Variants in SPOUT1 observed in about 807,000 individuals in gnomAD.
SPOUT1 encodes the protein 28S rRNA (uridine-N(3))-methyltransferase.
A neutral mutation model predicts 54.8 loss-of-function variants in SPOUT1; 40 were observed. The observed-to-expected ratio is 0.73, with a 90% confidence interval of 0.57 to 0.95. SPOUT1 has a LOEUF of 0.95. Among genes scored for constraint, SPOUT1 ranks in the 40% least tolerant of loss-of-function variants. SPOUT1 has a pLI of 0.00. For synonymous variants in SPOUT1, 193 were observed against 200.3 expected (o/e 0.96, Z 0.31); for missense variants, 437 against 499.5 (o/e 0.87, Z 1.19).
At chr9:128,825,204 G>A (rs1376534567) in intron 7 of SPOUT1, among the ~76,000 whole-genome samples, 155 bp from the exon 8 acceptor site, 1 of 152,238 alleles carries the variant, frequency 6.6e-6, no homozygotes, top group Non-Finnish European at 1.5e-5. Flanking sequence ...GGCTGAACCT[G>A]CTCACAAGAG....
chr9:128,828,148 A>T (rs1830276238), intron 3 of SPOUT1, among the ~76,000 whole-genome samples: 1 of 152,184 alleles, frequency 6.6e-6, no homozygotes. Flanking sequence ...AATGCTCAAT[A>T]AAAAAGTCAA....
In SPOUT1 at chr9:128,822,409, G is replaced by A. The variant is rs1375776762; in HGVS notation, c.*356C>T. 2.5e-6 allele frequency: 4 copies of A among 1,611,300 alleles called. No individual in the cohort carries two copies. Among genetic ancestry groups the A allele is most frequent in the African/African-American group, 1.3e-5 (1 of 74,864 alleles). ...TGGCAGTGCCCACACACTTCTTCAA[G>A]GTGCTGATCCTGGAGGCAGCAGGTG... On this transcript the variant is annotated 3_prime_UTR_variant, in exon 12 of 12. Transcript: ENST00000361256.
Position 128,826,805 on chromosome 9 carries a change from G to A in SPOUT1, c.369-176C>T, listed in dbSNP as rs115169028. On this transcript the variant is annotated intron_variant, in intron 4 of 11. Coordinates refer to ENST00000361256, the MANE Select transcript of SPOUT1 (RefSeq NM_016390.4). The surrounding 1 kb of genome is among the most constrained non-coding windows in gnomAD (Gnocchi z 5.5). ...CCATGCCACTGCATGCACTCCAGCCGGGGTGACAGCTGAGATACAGGTTTA... is the reference window on the plus strand; with the variant it reads ...CCATGCCACTGCATGCACTCCAGCCAGGGTGACAGCTGAGATACAGGTTTA... 1.8e-3 allele frequency among the ~76,000 whole-genome samples: 277 copies of A among 152,228 alleles called. 1 individual carries two copies. Among genetic ancestry groups the A allele is most frequent in the African/African-American group, 6.3e-3 (262 of 41,536 alleles).
Position 128,820,670 on chromosome 9 carries a change from G to A in SPOUT1, c.*2095C>T. 2 of 1,347,212 alleles carry A rather than the reference G, an allele frequency of 1.5e-6. No individual in the cohort carries two copies. The highest frequency in any genetic ancestry group is 2.1e-6 in the Non-Finnish European group (2 of 959,916). The allele number at this position is 1,347,212 out of a possible 1,614,324, so 83.5% of individuals were successfully genotyped here. A position where few individuals can be genotyped will look rare whatever the true frequency, so the allele number is the denominator to read the frequency against. On this transcript the variant is annotated 3_prime_UTR_variant, in exon 12 of 12. Transcript: ENST00000361256. ...GAGCCTGTCCATCCCCTCAGGACCT[G>A]GGGCGGCCCTCTGATAGAGGAGGAA...
chr9:128,822,950 T>G, intron 11 of SPOUT1, 117 bp from the exon 12 acceptor site: 1 of 702,978 alleles, frequency 1.4e-6, no homozygotes, highest in Non-Finnish European at 2.4e-6. Context: ...CCCCTGTCCT[T>G]AGTAGGGCCT....
chr9:128,823,578 G>A (rs1830171670), intron 11 of SPOUT1, among the ~76,000 whole-genome samples, 169 bp downstream of exon 11: 1 of 152,136 alleles, frequency 6.6e-6, no homozygotes, highest in African/African-American at 2.4e-5. Flanking sequence ...TTGACTCCCA[G>A]CTACACTCAT....
At chr9:128,824,368 G>A (rs1830196324) in intron 9 of SPOUT1, among the ~76,000 whole-genome samples, 194 bp from the exon 10 acceptor site, 1 of 151,754 alleles carries the variant, frequency 6.6e-6, no homozygotes, top group Admixed American at 6.6e-5. Context: ...GCAGGGGTGT[G>A]TGTGTACCGA....
chr9:128,820,674 CG>C lies in SPOUT1; in HGVS notation c.*2090del, dbSNP rs1431955559. ...CTGTCCATCCCCTCAGGACCTGGGG[CG>C]GCCCTCTGATAGAGGAGGAAGGGTC... On this transcript the variant is annotated 3_prime_UTR_variant, in exon 12 of 12. Transcript: ENST00000361256. The C allele has an allele frequency of 7.3e-7, 1 of 1,365,950 alleles. No individual in the cohort carries two copies. Among genetic ancestry groups the C allele is most frequent in the African/African-American group, 1.4e-5 (1 of 69,334 alleles). 84.6% of individuals were successfully genotyped at this position (1,365,950 alleles called of 1,614,324 possible).
rs148132591 is a variant in SPOUT1 at position 128,820,389 on chromosome 9, G to C, written c.*2376C>G. The C allele has an allele frequency of 4.4e-4, 103 of 234,380 alleles. No individual in the cohort carries two copies. Among genetic ancestry groups the C allele is most frequent in the African/African-American group, 2.3e-3 (102 of 44,388 alleles). The allele number at this position is 234,380 out of a possible 1,614,324, so 14.5% of individuals were successfully genotyped here. On this transcript the variant is annotated 3_prime_UTR_variant, in exon 12 of 12. Transcript: ENST00000361256. ...TTCCTGTGGCTCAGACTGGGAAAAG[G>C]AACGGGTTGGTAGTTGGAAGGGCTG...
chr9:128,828,285 C>G (rs955274208), intron 3 of SPOUT1, among the ~76,000 whole-genome samples: 68 of 152,244 alleles, frequency 4.5e-4, no homozygotes, highest in Non-Finnish European at 7.1e-4. Context: ...CACCTGAGGT[C>G]AGGAGTTCGA....
intron 9 of SPOUT1, 127 bp from the exon 10 acceptor site, chr9:128,824,301 CGTGT>C: frequency 4.3e-6 from 2 of 461,956 alleles, no homozygotes; most frequent in East Asian, 4.5e-5. Flanking sequence ...TGTGTGTGTG[CGTGT>C]GTGTACTAAG....
rs1386485063 is a variant in SPOUT1 at position 128,819,757 on chromosome 9, TG to T, written c.*3007del. Reference sequence around the variant, plus strand: ...CGTGGGAGCCCTGAGCTTGTTTTCCTGCAACTAGACAGTCCTATCTGGAGGT... The same window carrying T: ...CGTGGGAGCCCTGAGCTTGTTTTCCTCAACTAGACAGTCCTATCTGGAGGT... On this transcript the variant is annotated 3_prime_UTR_variant, in exon 12 of 12. Transcript: ENST00000361256. The T allele has an allele frequency of 6.4e-6, 1 of 156,636 alleles. No individual in the cohort carries two copies. The highest frequency in any genetic ancestry group is 2.4e-5 in the African/African-American group (1 of 41,526). The allele number at this position is 156,636 out of a possible 1,614,324, so 9.7% of individuals were successfully genotyped here.
At position 128,826,198 on chromosome 9, in the gene SPOUT1, C is replaced by G. The variant is rs750799594; in HGVS notation, c.509-46G>C. On this transcript the variant is annotated intron_variant, in intron 6 of 11. Coordinates refer to ENST00000361256, the MANE Select transcript of SPOUT1 (RefSeq NM_016390.4). This position sits in a 1 kb window ranked among gnomAD's most constrained non-coding sequence, Gnocchi z 5.5. Reference sequence around the variant, plus strand: ...AGAGTCTGGGAAGTGCTAGGGCACACAGGGTGCAGTGGGGACCCTGGAGCG... The same window carrying G: ...AGAGTCTGGGAAGTGCTAGGGCACAGAGGGTGCAGTGGGGACCCTGGAGCG... The G allele has an allele frequency of 5.7e-6, 9 of 1,578,958 alleles. No homozygotes were observed. In the East Asian group the frequency reaches 2.0e-4, roughly 35 times the overall value.
intron 11 of SPOUT1, 64 bp from the exon 12 acceptor site, chr9:128,822,897 C>T: frequency 7.9e-7 from 1 of 1,266,230 alleles, no homozygotes; most frequent in Non-Finnish European, 1.1e-6. Flanking sequence ...CGCTCCCAGC[C>T]TGTCTTCAGT....
Position 128,820,522 on chromosome 9 carries a change from TG to T in SPOUT1, c.*2242del, listed in dbSNP as rs1830089133. The T allele has an allele frequency of 1.8e-6, 1 of 556,926 alleles. No individual in the cohort carries two copies. The highest frequency in any genetic ancestry group is 1.9e-5 in the African/African-American group (1 of 53,066). 34.5% of individuals were successfully genotyped at this position (556,926 alleles called of 1,614,324 possible). ...ACTCTTGGGAGCTGAGAAAAGACTT[TG>T]ACACCTGGGCTGTGGGAGGGACAGA... is the stretch of plus-strand genomic sequence containing the variant. On this transcript the variant is annotated 3_prime_UTR_variant, in exon 12 of 12. Transcript: ENST00000361256.
intron 7 of SPOUT1, among the ~76,000 whole-genome samples, chr9:128,825,325 C>CT (rs11396054): frequency 1 from 151,984 of 152,034 alleles, 75,967 homozygotes; most frequent in East Asian, 1. Flanking sequence ...AGCTCTGCAA[C>CT]TTTTTTTTCT....
Position 128,826,722 on chromosome 9 carries a change from G to T in SPOUT1, c.369-93C>A. 2 of 926,888 alleles carry T rather than the reference G, an allele frequency of 2.2e-6. No individual in the cohort carries two copies. The highest frequency in any genetic ancestry group is 3.3e-5 in the South Asian group (2 of 59,908). 57.4% of individuals were successfully genotyped at this position (926,888 alleles called of 1,614,324 possible). On this transcript the variant is annotated intron_variant, in intron 4 of 11. Transcript: ENST00000361256. This position sits in a 1 kb window ranked among gnomAD's most constrained non-coding sequence, Gnocchi z 5.5. Reference sequence around the variant, plus strand: ...CACGCGTATAATCCCAGCTACTCAGGAGGCTAAGGTGGGAGGATCATCTGA... The same window carrying T: ...CACGCGTATAATCCCAGCTACTCAGTAGGCTAAGGTGGGAGGATCATCTGA...
intron 9 of SPOUT1, 128 bp from the exon 10 acceptor site, chr9:128,824,302 G>A (rs913115012): frequency 4.0e-5 from 23 of 581,752 alleles, no homozygotes; most frequent in Admixed American, 1.4e-4. Context: ...GTGTGTGTGC[G>A]TGTGTGTACT....
Position 128,826,914 on chromosome 9 carries a change from T to G in SPOUT1, c.368+118A>C. On this transcript the variant is annotated intron_variant, in intron 4 of 11. Transcript: ENST00000361256. This position sits in a 1 kb window ranked among gnomAD's most constrained non-coding sequence, Gnocchi z 5.5. ...CACTAAGGATTACACAGGGAATATTTCAGGCAGGGCACGAGGGAAGAGCCA... is the reference window on the plus strand; with the variant it reads ...CACTAAGGATTACACAGGGAATATTGCAGGCAGGGCACGAGGGAAGAGCCA... The G allele has an allele frequency of 9.1e-7, 1 of 1,095,780 alleles. No individual in the cohort carries two copies. The highest frequency in any genetic ancestry group is 1.3e-6 in the Non-Finnish European group (1 of 747,070). 67.9% of individuals were successfully genotyped at this position (1,095,780 alleles called of 1,614,324 possible). A position where few individuals can be genotyped will look rare whatever the true frequency, so the allele number is the denominator to read the frequency against.
Sources: gnomAD v4.1 joint callset for allele counts (sites outside exome capture counted in the v4.1 genomes callset) on GRCh38, gnomAD v4.1.1 for gene constraint, Gnocchi (gnomAD v3.1) non-coding constraint, MANE v1.5 for transcripts, NCBI Gene and HGNC (gene_info 2026-07-23, HGNC 2026-07-21) for gene names.